Variants in RELN observed in about 807,000 individuals in gnomAD.
RELN encodes the protein reelin.
A neutral mutation model predicts 427.6 loss-of-function variants in RELN; 108 were observed. The observed-to-expected ratio is 0.25, with a 90% CI of 0.22 to 0.30. The LOEUF is 0.30. RELN is among the 10% of genes least tolerant of loss of function. The pLI is 1.00. For missense variants in RELN, 3,715 were observed against 4,302.8 expected, an observed-to-expected ratio of 0.86 and a Z score of 3.82; for synonymous variants, 1,524 against 1,513.4, an observed-to-expected ratio of 1.01 and a Z score of -0.16.
intron 10 of RELN, among the ~76,000 whole-genome samples, chr7:103,689,314 A>AC (rs1584409192): frequency 2.8e-4 from 1 of 3,618 alleles, no homozygotes; most frequent in Non-Finnish European, 4.5e-4. Flanking sequence ...TTTCTTAAAA[A>AC]TAAAAAAAAT....
chr7:103,528,362 T>C (rs1829867909), intron 46 of RELN, among the ~76,000 whole-genome samples: 1 of 152,156 alleles, frequency 6.6e-6, no homozygotes, highest in Non-Finnish European at 1.5e-5. Context: ...GAACATAGCT[T>C]AGTGGTTACC....
At position 103,625,980 on chromosome 7, in the gene RELN, G is replaced by C. The variant is rs138113497; in HGVS notation, c.2702+3960C>G. Among the ~76,000 whole-genome samples the C allele has an allele frequency of 9.2e-5, 14 of 152,178 alleles. No homozygotes were observed. In the East Asian group the frequency reaches 2.7e-3, roughly 29 times the overall value. On this transcript the variant is annotated intron_variant, in intron 20 of 64. Transcript: ENST00000428762. The stretch of plus-strand genomic sequence containing the variant: ...AGATATAGGGCAGTGGTTAGAGTTG[G>C]AGTAAGGGTTAGGGATGGCACTAGC...
At chr7:103,756,113 T>C (rs1791144952) in intron 4 of RELN, among the ~76,000 whole-genome samples, 1 of 152,228 alleles carries the variant, frequency 6.6e-6, no homozygotes, top group Non-Finnish European at 1.5e-5. Flanking sequence ...ATGACTTTGG[T>C]GACTAAGGCC....
intron 10 of RELN, among the ~76,000 whole-genome samples, chr7:103,694,836 T>TA (rs919044735): frequency 1.2e-4 from 17 of 140,910 alleles, no homozygotes; most frequent in Middle Eastern, 3.3e-3. Context: ...GTTTTTTTTT[T>TA]TTAATTTTTG....
intron 4 of RELN, among the ~76,000 whole-genome samples, chr7:103,762,658 C>G (rs1791332218): frequency 6.6e-6 from 1 of 152,162 alleles, no homozygotes; most frequent in African/African-American, 2.4e-5. Flanking sequence ...ATCAGCAAGC[C>G]AATATTACTA....
At chr7:103,475,827 G>A (rs936870081) in intron 64 of RELN, among the ~76,000 whole-genome samples, 6 of 152,290 alleles carry the variant, frequency 3.9e-5, no homozygotes, top group South Asian at 2.1e-4. Flanking sequence ...ACTAGTCCAA[G>A]GTAGAAGCTT....
At chr7:103,618,845 G>C (rs1428078477) in intron 20 of RELN, among the ~76,000 whole-genome samples, 1 of 152,138 alleles carries the variant, frequency 6.6e-6, no homozygotes, top group Admixed American at 6.5e-5. Context: ...GGGTGTGGTG[G>C]CTCACACCTG....
intron 20 of RELN, among the ~76,000 whole-genome samples, chr7:103,617,824 G>A (rs1486458957): frequency 6.6e-6 from 1 of 151,992 alleles, no homozygotes; most frequent in Non-Finnish European, 1.5e-5. Context: ...TTCATGAATG[G>A]CTTGGTACTG....
chr7:103,763,642 T>A (rs139748361), intron 4 of RELN, among the ~76,000 whole-genome samples: 1 of 152,140 alleles, frequency 6.6e-6, no homozygotes. Context: ...AGTTGGCATA[T>A]ATGAGCTACA....
At chr7:103,753,377 T>C (rs540486366) in intron 4 of RELN, among the ~76,000 whole-genome samples, 163 bp from the exon 5 acceptor site, 46 of 152,168 alleles carry the variant, frequency 3.0e-4, no homozygotes, top group African/African-American at 8.7e-4. Context: ...CTTGAAAAAA[T>C]AGAAGACAAT....
intron 17 of RELN, among the ~76,000 whole-genome samples, chr7:103,638,875 C>T (rs1832639195): frequency 6.6e-6 from 1 of 152,174 alleles, no homozygotes; most frequent in Admixed American, 6.5e-5. Context: ...CCACTTAATT[C>T]TAAGAGGAAT....
At chr7:103,551,392 G>T in intron 40 of RELN, 96 bp from the exon 41 acceptor site, 1 of 861,448 alleles carries the variant, frequency 1.2e-6, no homozygotes, top group Non-Finnish European at 1.9e-6. Flanking sequence ...CATTTTCCTG[G>T]GAACTGTCTT....
In RELN at chr7:103,989,493, G is replaced by T; in HGVS notation, c.-137C>A. On this transcript the variant is annotated 5_prime_UTR_variant, in exon 1 of 65. Transcript: ENST00000428762. The surrounding 1 kb of genome is among the most constrained non-coding windows in gnomAD (Gnocchi z 4.9). ...GGGAGCGGAACGGGCTCGGGAGCGG[G>T]CCTGGGAGCGGGCCCCCGCCGAGAA... The T allele has an allele frequency of 1.4e-6, 1 of 715,568 alleles. No individual in the cohort carries two copies. Among genetic ancestry groups the T allele is most frequent in the Non-Finnish European group, 2.0e-6 (1 of 499,026 alleles). The allele number at this position is 715,568 out of a possible 1,614,324, so 44.3% of individuals were successfully genotyped here.
chr7:103,694,544 T>C (rs905079716), intron 10 of RELN, among the ~76,000 whole-genome samples: 6 of 151,984 alleles, frequency 3.9e-5, no homozygotes, highest in Non-Finnish European at 7.4e-5. Flanking sequence ...GAGTCTGGAA[T>C]GGTGAGTGCC....
intron 3 of RELN, among the ~76,000 whole-genome samples, chr7:103,804,871 C>T (rs942344767): frequency 9.2e-5 from 14 of 151,990 alleles, no homozygotes; most frequent in African/African-American, 3.1e-4. Flanking sequence ...TCACATCCAG[C>T]CAGCATAGTT....
At chr7:103,536,164 A>G (rs745345177) in intron 45 of RELN, among the ~76,000 whole-genome samples, 1 of 152,160 alleles carries the variant, frequency 6.6e-6, no homozygotes, top group Non-Finnish European at 1.5e-5. Flanking sequence ...GTTATAGAAT[A>G]TATATAAAAT....
At chr7:103,546,895 TTC>T (rs534842372) in intron 41 of RELN, among the ~76,000 whole-genome samples, 2 of 152,264 alleles carry the variant, frequency 1.3e-5, no homozygotes, top group Non-Finnish European at 2.9e-5. Flanking sequence ...TATTTTTAGA[TTC>T]TCTTATTTCT....
chr7:103,611,665 C>A lies in RELN; in HGVS notation c.2841G>T (p.Gln947His), dbSNP rs1366950342. Reference protein sequence around the residue: ...GQKYTPHMDNQVKLEYSTNHG... With the variant: ...GQKYTPHMDNHVKLEYSTNHG... Reference sequence around the variant, plus strand: ...GGTTGGTTGAGTACTCCAGCTTCACCTGGTTGTCCATGTGTGGGGTGTATT... The same window carrying A: ...GGTTGGTTGAGTACTCCAGCTTCACATGGTTGTCCATGTGTGGGGTGTATT... The change falls in exon 21 of 65, where the codon CAG becomes CAT. Residue 947 changes from glutamine (Q) to histidine (H), a missense_variant. Gln to His is a conservative substitution (Grantham distance 24, BLOSUM62 0). Around this residue, in one of 4 missense-constraint regions of RELN, gnomAD observed 2,208 missense variants for 2,361.7 expected, o/e 0.93. Coordinates refer to ENST00000428762, the MANE Select transcript of RELN (RefSeq NM_005045.4). 1.2e-6 allele frequency: 2 copies of A among 1,613,834 alleles called. No individual in the cohort carries two copies. Among genetic ancestry groups the A allele is most frequent in the Non-Finnish European group, 8.5e-7 (1 of 1,179,934 alleles).
At position 103,806,677 on chromosome 7, in the gene RELN, GAAGA is replaced by G. The variant is rs571678817; in HGVS notation, c.473+26856_473+26859del. Among the ~76,000 whole-genome samples the G allele has an allele frequency of 8.6e-4, 131 of 152,186 alleles. 3 individuals carry two copies. Among genetic ancestry groups the G allele is most frequent in the Admixed American group, 6.3e-3 (96 of 15,262 alleles). On this transcript the variant is annotated intron_variant, in intron 3 of 64. Coordinates refer to ENST00000428762, the MANE Select transcript of RELN (RefSeq NM_005045.4). ...TTTATCTCTCCCACATTCTAAGAAA[GAAGA>G]AAAACAGTGACTTGAGTAACCATCA...
Sources: gnomAD v4.1 joint callset for allele counts (sites outside exome capture counted in the v4.1 genomes callset) on GRCh38, gnomAD v4.1.1 for gene constraint, gnomAD v4.1.1 regional missense constraint, Gnocchi (gnomAD v3.1) non-coding constraint, MANE v1.5 for transcripts, NCBI Gene and HGNC (gene_info 2026-07-23, HGNC 2026-07-21) for gene names.